The following SLC25A26 variants were observed in gnomAD, a reference collection of about 807,000 sequenced individuals.
SLC25A26 encodes mitochondrial S-adenosylmethionine carrier protein.
SLC25A26 carries 36 observed loss-of-function variants against 37.8 expected under a neutral mutation model. The ratio of observed to expected loss-of-function variants is 0.95; its 90% confidence interval spans 0.73 to 1.26. The LOEUF (loss-of-function observed/expected upper bound fraction) is 1.26, where lower values mean the gene tolerates loss of function less well. Among genes scored for constraint, SLC25A26 ranks in the 50% most tolerant of loss-of-function variants. SLC25A26 has a pLI of 0.00. For synonymous variants in SLC25A26, 129 were observed against 122.5 expected, an observed-to-expected ratio of 1.05 and a Z score of -0.35; for missense variants, 390 against 331.1, an observed-to-expected ratio of 1.18 and a Z score of -1.38.
At chr3:66,216,074 A>T (rs1450363523), upstream of SLC25A26, among the ~76,000 whole-genome samples, 1 of 152,216 alleles carries the variant, frequency 6.6e-6, no homozygotes, top group Non-Finnish European at 1.5e-5. Context: ...TTCTTTTACG[A>T]AGACTTTAGT....
At chr3:66,200,512 C>G (rs1489062006) in intron 1 of SLC25A26, among the ~76,000 whole-genome samples, 1 of 152,196 alleles carries the variant, frequency 6.6e-6, no homozygotes, top group Non-Finnish European at 1.5e-5. Flanking sequence ...AAAGGTATTA[C>G]AAAGACTATA....
At chr3:66,289,950 G>C (rs1056829550) in intron 5 of SLC25A26, among the ~76,000 whole-genome samples, 17 of 152,164 alleles carry the variant, frequency 1.1e-4, no homozygotes, top group Admixed American at 6.5e-4. Context: ...TTATCCATGA[G>C]CATGGAATGT....
intron 3 of SLC25A26, among the ~76,000 whole-genome samples, chr3:66,247,851 A>G (rs1373149074): frequency 6.6e-6 from 1 of 152,228 alleles, no homozygotes; most frequent in East Asian, 1.9e-4. Flanking sequence ...GATTCATGGA[A>G]GTATGGTTGC....
chr3:66,309,003 T>A (rs1018485805), intron 5 of SLC25A26, among the ~76,000 whole-genome samples: 4 of 152,170 alleles, frequency 2.6e-5, no homozygotes, highest in Non-Finnish European at 4.4e-5. Flanking sequence ...TTTCTTTTTT[T>A]GTTGTGTCTC....
At chr3:66,213,582 T>C (rs1358401955) in intron 1 of SLC25A26, among the ~76,000 whole-genome samples, 6 of 152,066 alleles carry the variant, frequency 3.9e-5, no homozygotes, top group Non-Finnish European at 7.4e-5. Context: ...ATCAATATTC[T>C]TTACCAGAGG....
intron 1 of SLC25A26, among the ~76,000 whole-genome samples, chr3:66,178,376 G>A (rs927969013): frequency 1.3e-5 from 2 of 152,192 alleles, no homozygotes; most frequent in African/African-American, 4.8e-5. Context: ...CAATGGGGAA[G>A]AGGAGCTGGC....
At chr3:66,203,700 T>G (rs1342791291) in intron 1 of SLC25A26, among the ~76,000 whole-genome samples, 1 of 152,218 alleles carries the variant, frequency 6.6e-6, no homozygotes, top group African/African-American at 2.4e-5. Context: ...ACTTTAAAGA[T>G]GCTAATTATT....
At chr3:66,226,652 A>G (rs1004414208) in intron 1 of SLC25A26, among the ~76,000 whole-genome samples, 1 of 152,138 alleles carries the variant, frequency 6.6e-6, no homozygotes, top group African/African-American at 2.4e-5. Context: ...TTGTAGAGAC[A>G]GGGTCTTGCT....
chr3:66,179,910 T>C (rs570543529), intron 1 of SLC25A26, among the ~76,000 whole-genome samples: 7 of 152,324 alleles, frequency 4.6e-5, no homozygotes, highest in Admixed American at 4.6e-4. Flanking sequence ...AGTTACAGTA[T>C]CTATTTGCAC....
exon 1 of SLC25A26, chr3:66,133,745 A>G (rs2069905234): frequency 6.6e-6 from 1 of 152,264 alleles, no homozygotes; most frequent in Admixed American, 6.5e-5. Context: ...AATTATATTG[A>G]GAAATGGTAG....
chr3:66,227,042 A>C (rs1306957622), intron 1 of SLC25A26, among the ~76,000 whole-genome samples: 8 of 152,228 alleles, frequency 5.3e-5, no homozygotes, highest in Non-Finnish European at 1.0e-4. Flanking sequence ...GCATCTTTTT[A>C]TGCCTTGGCA....
intron 1 of SLC25A26, among the ~76,000 whole-genome samples, chr3:66,177,561 C>T (rs2070609437): frequency 6.6e-6 from 1 of 152,230 alleles, no homozygotes. Context: ...CCACTGTTGC[C>T]TTTTGCCCTA....
At chr3:66,140,343 T>C (rs2070015711) in intron 1 of SLC25A26, among the ~76,000 whole-genome samples, 1 of 152,150 alleles carries the variant, frequency 6.6e-6, no homozygotes, top group Admixed American at 6.6e-5. Flanking sequence ...GCCCTGAGTT[T>C]AGGGCAGGGG....
rs1265972381 is a variant in SLC25A26 at position 66,367,697 on chromosome 3, CAG to C, written c.569-1779_569-1778del. On this transcript the variant is annotated intron_variant, in intron 7 of 9. Coordinates refer to ENST00000354883, the MANE Select transcript of SLC25A26 (RefSeq NM_001379210.1). ...ATAGATAGATAGACAGACAGACAGA[CAG>C]ACAGACACAGAGAGAGAGAGAGAGA... Among the ~76,000 whole-genome samples the C allele has an allele frequency of 3.3e-3, 471 of 143,596 alleles. 3 individuals carry two copies. Among genetic ancestry groups the C allele is most frequent in the African/African-American group, 0.013 (458 of 34,508 alleles). 94.2% of individuals were successfully genotyped at this position (143,596 alleles called of 152,430 possible). A position where few individuals can be genotyped will look rare whatever the true frequency, so the allele number is the denominator to read the frequency against.
intron 3 of SLC25A26, among the ~76,000 whole-genome samples, chr3:66,259,006 A>G (rs2073416344): frequency 2.0e-5 from 3 of 152,184 alleles, no homozygotes; most frequent in Non-Finnish European, 4.4e-5. Context: ...ATTTGCCAGC[A>G]TAGCTCTAGA....
At chr3:66,299,303 A>T (rs1576825711) in intron 5 of SLC25A26, among the ~76,000 whole-genome samples, 1 of 151,886 alleles carries the variant, frequency 6.6e-6, no homozygotes, top group African/African-American at 2.4e-5. Context: ...AGCGATTCTC[A>T]TGTCTCAGCC....
At chr3:66,282,407 A>T (rs57921867) in intron 5 of SLC25A26, among the ~76,000 whole-genome samples, 2 of 152,114 alleles carry the variant, frequency 1.3e-5, no homozygotes, top group Non-Finnish European at 2.9e-5. Context: ...TGGCCTCCCA[A>T]AGTGCTGAGA....
intron 1 of SLC25A26, among the ~76,000 whole-genome samples, chr3:66,215,033 G>A (rs2071339936): frequency 6.6e-6 from 1 of 152,152 alleles, no homozygotes; most frequent in Admixed American, 6.6e-5. Flanking sequence ...GCTGAGGAAG[G>A]AGAATCACTT....
intron 5 of SLC25A26, among the ~76,000 whole-genome samples, chr3:66,337,292 C>T (rs1476545380): frequency 1.3e-5 from 2 of 152,042 alleles, no homozygotes; most frequent in African/African-American, 4.8e-5. Context: ...AATGTTAACG[C>T]TTGGTCTTAG....
Sources: allele counts gnomAD v4.1 joint callset (sites outside exome capture counted in the v4.1 genomes callset), GRCh38; gene constraint gnomAD v4.1.1; transcripts MANE v1.5; gene names NCBI Gene and HGNC (gene_info 2026-07-23, HGNC 2026-07-21).